CKAP5: variants seen among roughly 807,000 people sequenced by gnomAD.
The protein encoded by CKAP5 is cytoskeleton-associated protein 5.
Under a neutral mutation model 232.8 loss-of-function variants are expected in CKAP5, and 27 were observed. The ratio of observed to expected loss-of-function variants is 0.12; its 90% CI spans 0.09 to 0.16. The LOEUF (loss-of-function observed/expected upper bound fraction) is 0.16, where lower values mean the gene tolerates loss of function less well. Ranked by LOEUF, CKAP5 falls within the 10% of genes least tolerant of loss-of-function variation. The pLI is 1.00. For synonymous variants in CKAP5, 785 were observed against 841.1 expected, an observed-to-expected ratio of 0.93 and a Z score of 1.16; for missense variants, 1,838 against 2,424.7, an observed-to-expected ratio of 0.76 and a Z score of 5.08.
intron 42 of CKAP5, among the ~76,000 whole-genome samples, chr11:46,747,826 G>T (rs1183070176): frequency 1.3e-5 from 2 of 151,922 alleles, no homozygotes; most frequent in Non-Finnish European, 2.9e-5. Flanking sequence ...TTGGGAGGCC[G>T]ATGTGGGTGG....
intron 18 of CKAP5, 34 bp from the exon 19 acceptor site, chr11:46,780,519 A>C: frequency 6.4e-7 from 1 of 1,572,298 alleles, no homozygotes; most frequent in Non-Finnish European, 8.7e-7. Flanking sequence ...AAGCAAACAA[A>C]TGAAACCCTC....
chr11:46,755,876 C>T (rs1592435439), intron 35 of CKAP5, among the ~76,000 whole-genome samples: 2 of 152,236 alleles, frequency 1.3e-5, no homozygotes, highest in East Asian at 3.9e-4. Context: ...ATGCAGTGAA[C>T]CGAGATCACG....
At chr11:46,782,846 C>G (rs1365961763) in intron 18 of CKAP5, among the ~76,000 whole-genome samples, 4 of 152,198 alleles carry the variant, frequency 2.6e-5, no homozygotes, top group African/African-American at 7.2e-5. Context: ...TTTAAATAAA[C>G]AACCGTGCTC....
At chr11:46,798,254 TA>T in intron 9 of CKAP5, 82 bp from the exon 10 acceptor site, 1 of 988,838 alleles carries the variant, frequency 1.0e-6, no homozygotes. Flanking sequence ...GGCTGAACCT[TA>T]AAAATAGTAT....
intron 24 of CKAP5, among the ~76,000 whole-genome samples, chr11:46,773,298 A>G (rs7947517): frequency 0.15 from 22,433 of 148,688 alleles, 2,541 homozygotes; most frequent in African/African-American, 0.33. Flanking sequence ...TGCCCAGGCT[A>G]GAGTGCAATG....
intron 9 of CKAP5, 101 bp from the exon 10 acceptor site, chr11:46,798,273 TA>T (rs1005962374): frequency 1.9e-3 from 1,665 of 855,644 alleles, no homozygotes; most frequent in Admixed American, 2.3e-3. Context: ...TATGCTAAGT[TA>T]AAAAAAAAGC....
chr11:46,804,858 TA>T (rs1278234311), intron 8 of CKAP5, among the ~76,000 whole-genome samples: 1 of 151,206 alleles, frequency 6.6e-6, no homozygotes, highest in Non-Finnish European at 1.5e-5. Flanking sequence ...AAATTATATA[TA>T]TATAAAAAAT....
chr11:46,750,630 T>C lies in CKAP5; in HGVS notation c.5461-19A>G, dbSNP rs751493784. 6.3e-7 allele frequency: 1 copy of C among 1,588,110 alleles called. No individual in the cohort carries two copies. The highest frequency in any genetic ancestry group is 1.1e-5 in the South Asian group (1 of 89,856). ...TTTCATCCTGAAAAGTTGAAAGACA[T>C]AGGAAGAATTGGTTAGACTTGAGTT... On this transcript the variant is annotated intron_variant, in intron 40 of 43. Coordinates refer to ENST00000529230, the MANE Select transcript of CKAP5 (RefSeq NM_001008938.4).
chr11:46,783,354 A>G lies in CKAP5; in HGVS notation c.2169T>C (p.Ala723=), dbSNP rs145673951. The part of the protein sequence containing the change: ...PWTAEQVVSM[A]FSQKNPKNQS... ...GATTTTTGGGATTCTTTTGTGAGAAAGCCATTGACACAACCTGAAAAGGGA... is the reference window on the plus strand; with the variant it reads ...GATTTTTGGGATTCTTTTGTGAGAAGGCCATTGACACAACCTGAAAAGGGA... Residue 723 remains alanine (A), a synonymous_variant, in exon 18 of 44, where the codon GCT becomes GCC. Transcript: ENST00000529230. 7.5e-6 allele frequency: 12 copies of G among 1,607,554 alleles called. No homozygotes were observed. Among genetic ancestry groups the G allele is most frequent in the African/African-American group, 1.3e-5 (1 of 74,762 alleles).
rs2065291698 is a variant in CKAP5, at chr11:46,776,393, G to A, written c.2863-10C>T. ...CAGCTCGAACATTGTTCTAAATGGA[G>A]AAGATAATCAGCAAAAATAATATCT... On this transcript the variant is annotated splice_polypyrimidine_tract_variant and intron_variant, in intron 23 of 43. Transcript: ENST00000529230. 1 of 1,602,768 alleles carries A rather than the reference G, an allele frequency of 6.2e-7. No homozygotes were observed. The highest frequency in any genetic ancestry group is 1.3e-5 in the African/African-American group (1 of 74,426).
intron 16 of CKAP5, 137 bp downstream of exon 16, chr11:46,788,544 A>G (rs2065418745): frequency 1.8e-6 from 1 of 566,782 alleles, no homozygotes; most frequent in African/African-American, 2.0e-5. Context: ...ATTGCACTCC[A>G]GCCTGGGCAA....
chr11:46,837,919 T>C (rs898683815), intron 1 of CKAP5, among the ~76,000 whole-genome samples: 3 of 152,170 alleles, frequency 2.0e-5, no homozygotes, highest in Non-Finnish European at 4.4e-5. Context: ...ATTCCTTAAG[T>C]GTGGGCTGCA....
At chr11:46,822,468 T>C (rs748955253) in intron 1 of CKAP5, among the ~76,000 whole-genome samples, 135 of 152,022 alleles carry the variant, frequency 8.9e-4, no homozygotes, top group Non-Finnish European at 8.8e-4. Flanking sequence ...ATAATCAATA[T>C]GGGGGTCGGG....
intron 40 of CKAP5, 120 bp from the exon 41 acceptor site, chr11:46,750,731 A>G (rs1464841398): frequency 1.2e-5 from 9 of 730,974 alleles, no homozygotes; most frequent in Non-Finnish European, 1.8e-5. Flanking sequence ...GTTCCTACAG[A>G]TAACAGATGC....
intron 8 of CKAP5, among the ~76,000 whole-genome samples, chr11:46,807,498 TAC>T (rs541145239): frequency 6.0e-4 from 91 of 152,340 alleles, no homozygotes; most frequent in African/African-American, 1.4e-3. Context: ...GATCTATACT[TAC>T]AGTTTTCATA....
chr11:46,773,505 T>TC (rs1555163192), intron 24 of CKAP5, among the ~76,000 whole-genome samples: 1 of 151,764 alleles, frequency 6.6e-6, no homozygotes, highest in Admixed American at 6.6e-5. Flanking sequence ...CACCGTGGCC[T>TC]CCCAAAGTGC....
At chr11:46,805,290 A>T (rs1032464488) in intron 8 of CKAP5, among the ~76,000 whole-genome samples, 2 of 152,148 alleles carry the variant, frequency 1.3e-5, no homozygotes, top group African/African-American at 4.8e-5. Flanking sequence ...AATCTGTGAG[A>T]ACAGGAAAGC....
rs1348548932 is a variant in CKAP5 at position 46,809,889 on chromosome 11, TAATATTTA to T, written c.631-23_631-16del. 1.3e-6 allele frequency: 2 copies of T among 1,597,304 alleles called. No individual in the cohort carries two copies. The highest frequency in any genetic ancestry group is 2.3e-5 in the South Asian group (2 of 86,796). On this transcript the variant is annotated splice_polypyrimidine_tract_variant and intron_variant, in intron 5 of 43. Coordinates refer to ENST00000529230, the MANE Select transcript of CKAP5 (RefSeq NM_001008938.4). ...AGTTCTTTCAACTGCAAATGTCATATAATATTTAAATAATATCTGCATCTCCACCATTA... is the reference window on the plus strand; with the variant it reads ...AGTTCTTTCAACTGCAAATGTCATATAATAATATCTGCATCTCCACCATTA...
rs2065165652 is a variant in CKAP5 at position 46,762,620 on chromosome 11, G to A, written c.4027+7C>T. The stretch of plus-strand genomic sequence containing the variant: ...ATTCACATCTCAGTTTAAACTGTTT[G>A]CTTCACCTGCTCTCTGCTTAGAGTT... On this transcript the variant is annotated splice_region_variant and intron_variant, in intron 31 of 43. Coordinates refer to ENST00000529230, the MANE Select transcript of CKAP5 (RefSeq NM_001008938.4). 2 of 1,613,930 alleles carry A rather than the reference G, an allele frequency of 1.2e-6. No homozygotes were observed. The highest frequency in any genetic ancestry group is 2.7e-5 in the African/African-American group (2 of 75,036).
Sources: gnomAD v4.1 joint callset for allele counts (sites outside exome capture counted in the v4.1 genomes callset) on GRCh38, gnomAD v4.1.1 for gene constraint, MANE v1.5 for transcripts, NCBI Gene and HGNC (gene_info 2026-07-23, HGNC 2026-07-21) for gene names.